Variants in MEIS2 observed in about 807,000 individuals in gnomAD.
MEIS2 encodes homeobox protein Meis2.
MEIS2 carries 9 observed loss-of-function variants against 58.6 expected under a neutral mutation model. The ratio of observed to expected loss-of-function variants is 0.15; its 90% CI spans 0.09 to 0.27. MEIS2 has a LOEUF of 0.27. Among genes scored for constraint, MEIS2 ranks in the 10% least tolerant of loss-of-function variants. The pLI, the probability that MEIS2 is intolerant of heterozygous loss-of-function variation, is 1.00. For synonymous variants in MEIS2, 221 were observed against 228.4 expected (o/e 0.97, Z 0.29); for missense variants, 427 against 635.0 (o/e 0.67, Z 3.52).
chr15:36,987,570 T>C (rs779417067), intron 8 of MEIS2, among the ~76,000 whole-genome samples: 1 of 152,140 alleles, frequency 6.6e-6, no homozygotes, highest in Non-Finnish European at 1.5e-5. Context: ...AGCAGTGTCT[T>C]TCATGGGCTG....
At chr15:36,899,695 T>C (rs1210504109) in intron 9 of MEIS2, among the ~76,000 whole-genome samples, 3 of 152,174 alleles carry the variant, frequency 2.0e-5, no homozygotes, top group African/African-American at 7.2e-5. Flanking sequence ...TCAGGCTCCA[T>C]TCATATGGAA....
intron 8 of MEIS2, among the ~76,000 whole-genome samples, chr15:37,009,225 C>G (rs1172322577): frequency 1.3e-5 from 2 of 152,044 alleles, no homozygotes. Context: ...GGAGGCGGAG[C>G]TTGCAGTGAG....
At chr15:36,922,619 C>CTTTTTT (rs59227539) in intron 9 of MEIS2, among the ~76,000 whole-genome samples, 12 of 126,884 alleles carry the variant, frequency 9.5e-5, no homozygotes, top group Non-Finnish European at 1.2e-4. Flanking sequence ...TTCTTTCTTT[C>CTTTTTT]TTTTTTTTTT....
chr15:36,956,206 A>T (rs940039066), intron 8 of MEIS2, among the ~76,000 whole-genome samples: 106 of 149,886 alleles, frequency 7.1e-4, no homozygotes, highest in African/African-American at 2.3e-3. Flanking sequence ...AAAAAAAAAA[A>T]AAAAGAGTCC....
intron 8 of MEIS2, among the ~76,000 whole-genome samples, chr15:36,986,906 C>CTG (rs2060110387): frequency 6.6e-6 from 1 of 152,150 alleles, no homozygotes; most frequent in Non-Finnish European, 1.5e-5. Flanking sequence ...GTAACTATTA[C>CTG]ACAGGATGCT....
chr15:37,051,130 A>G (rs886780702), intron 7 of MEIS2, among the ~76,000 whole-genome samples: 1 of 152,194 alleles, frequency 6.6e-6, no homozygotes, highest in African/African-American at 2.4e-5. Flanking sequence ...CTTATTAACA[A>G]ACTTAAGGAC....
At chr15:36,929,119 C>G (rs2057866313) in intron 9 of MEIS2, among the ~76,000 whole-genome samples, 1 of 152,218 alleles carries the variant, frequency 6.6e-6, no homozygotes, top group African/African-American at 2.4e-5. Flanking sequence ...GCTGATGTCT[C>G]TCTAGCGCTT....
intron 8 of MEIS2, among the ~76,000 whole-genome samples, chr15:36,969,913 CA>C (rs1252459136): frequency 3.3e-5 from 5 of 150,894 alleles, no homozygotes; most frequent in East Asian, 3.9e-4. Context: ...TTTCTTTTCG[CA>C]AAAAAAGTAC....
At chr15:36,930,048 C>A (rs899855202) in intron 9 of MEIS2, among the ~76,000 whole-genome samples, 1 of 151,700 alleles carries the variant, frequency 6.6e-6, no homozygotes, top group Non-Finnish European at 1.5e-5. Context: ...ACTAAAAATA[C>A]AAAAATTAGC....
chr15:36,963,208 C>G (rs2059244474), intron 8 of MEIS2, among the ~76,000 whole-genome samples: 1 of 151,992 alleles, frequency 6.6e-6, no homozygotes, highest in South Asian at 2.1e-4. Context: ...AACCCCAAGT[C>G]TACTAAAAAT....
intron 9 of MEIS2, among the ~76,000 whole-genome samples, chr15:36,932,660 ATGTGTGTGTGCACG>A (rs1260680287): frequency 3.9e-5 from 6 of 152,048 alleles, no homozygotes; most frequent in Non-Finnish European, 1.5e-5. Flanking sequence ...GTATGTGTGC[ATGTGTGTGTGCACG>A]TGTGTGTCTG....
At chr15:36,997,263 C>T (rs1272973293) in intron 8 of MEIS2, among the ~76,000 whole-genome samples, 1 of 152,162 alleles carries the variant, frequency 6.6e-6, no homozygotes, top group Non-Finnish European at 1.5e-5. Flanking sequence ...TAAAGCAAAA[C>T]CAACAAACAA....
At chr15:36,932,761 G>A (rs1293330040) in intron 9 of MEIS2, among the ~76,000 whole-genome samples, 2 of 152,150 alleles carry the variant, frequency 1.3e-5, no homozygotes, top group Non-Finnish European at 2.9e-5. Context: ...AGAAGTCCAT[G>A]ACCCAGCAAA....
chr15:36,955,130 C>A (rs1595801612), intron 8 of MEIS2, among the ~76,000 whole-genome samples: 1 of 152,218 alleles, frequency 6.6e-6, no homozygotes, highest in African/African-American at 2.4e-5. Flanking sequence ...AATTTAATAC[C>A]TTTTTCTTTT....
intron 9 of MEIS2, among the ~76,000 whole-genome samples, chr15:36,948,872 G>T (rs144903592): frequency 6.6e-6 from 1 of 151,836 alleles, no homozygotes; most frequent in Non-Finnish European, 1.5e-5. Flanking sequence ...CAAGTTTTTG[G>T]TCTAAAGGGT....
At chr15:36,948,068 G>A (rs1351846220) in intron 9 of MEIS2, among the ~76,000 whole-genome samples, 1 of 151,884 alleles carries the variant, frequency 6.6e-6, no homozygotes, top group Admixed American at 6.6e-5. Context: ...CAAAGTTACG[G>A]TAGCCGTTAA....
At chr15:36,898,440 G>A (rs955175949) in intron 9 of MEIS2, 1 of 152,182 alleles carries the variant, frequency 6.6e-6, no homozygotes, top group African/African-American at 2.4e-5. Flanking sequence ...GACAACACTC[G>A]GCAGGGGTTT....
At chr15:36,943,981 T>C (rs550139739) in intron 9 of MEIS2, among the ~76,000 whole-genome samples, 1 of 152,026 alleles carries the variant, frequency 6.6e-6, no homozygotes, top group Non-Finnish European at 1.5e-5. Flanking sequence ...CTCTACAAGA[T>C]AGAAGGGTGT....
intron 8 of MEIS2, among the ~76,000 whole-genome samples, chr15:36,976,940 A>G (rs543502154): frequency 2.0e-5 from 3 of 152,308 alleles, no homozygotes; most frequent in East Asian, 1.9e-4. Flanking sequence ...CCTGACCAAC[A>G]TGGAGAAACC....
Sources: gnomAD v4.1 joint callset for allele counts (sites outside exome capture counted in the v4.1 genomes callset) on GRCh38, gnomAD v4.1.1 for gene constraint, MANE v1.5 for transcripts, NCBI Gene and HGNC (gene_info 2026-07-23, HGNC 2026-07-21) for gene names.